The following TMEM232 variants were observed in gnomAD, a reference collection of about 807,000 sequenced individuals.
TMEM232 encodes transmembrane protein 232.
Under a neutral mutation model 78.8 loss-of-function variants are expected in TMEM232, and 80 were observed. That is an observed-to-expected ratio of 1.01 (90% confidence interval 0.85 to 1.22). The LOEUF is 1.22. Among genes scored for constraint, TMEM232 ranks in the 50% most tolerant of loss-of-function variants. The pLI, the probability that TMEM232 is intolerant of heterozygous loss-of-function variation, is 0.00. For synonymous variants in TMEM232, 297 were observed against 254.3 expected, an observed-to-expected ratio of 1.17 and a Z score of -1.60; for missense variants, 881 against 742.2, an observed-to-expected ratio of 1.19 and a Z score of -2.17.
chr5:110,692,456 G>C (rs1404813263), intron 1 of TMEM232, among the ~76,000 whole-genome samples: 2 of 152,194 alleles, frequency 1.3e-5, no homozygotes, highest in Non-Finnish European at 2.9e-5. Flanking sequence ...AGTGGGTGCA[G>C]GAGAGTGGGT....
At chr5:110,500,288 CAAAA>C (rs773716425) in intron 12 of TMEM232, among the ~76,000 whole-genome samples, 5 of 70,738 alleles carry the variant, frequency 7.1e-5, no homozygotes, top group Non-Finnish European at 1.5e-4. Context: ...GACTCTGTCT[CAAAA>C]AAAAAAAAAA....
chr5:110,492,044 G>T (rs1328456998), intron 12 of TMEM232, among the ~76,000 whole-genome samples: 1 of 151,222 alleles, frequency 6.6e-6, no homozygotes, highest in African/African-American at 2.4e-5. Flanking sequence ...CAGCAAACAT[G>T]CAAAAAAAAC....
At chr5:110,519,152 T>C (rs1006562599) in intron 12 of TMEM232, among the ~76,000 whole-genome samples, 1 of 152,112 alleles carries the variant, frequency 6.6e-6, no homozygotes, top group African/African-American at 2.4e-5. Flanking sequence ...AAAGAAAATA[T>C]AATTTTTAAA....
At chr5:110,710,772 A>G (rs1051990785) in intron 1 of TMEM232, among the ~76,000 whole-genome samples, 1 of 152,178 alleles carries the variant, frequency 6.6e-6, no homozygotes, top group Non-Finnish European at 1.5e-5. Flanking sequence ...TCAACATAAT[A>G]AAAGCCATAT....
In TMEM232 at chr5:110,435,712, T is replaced by A. The variant is rs144684298; in HGVS notation, c.1704-10796A>T. Among the ~76,000 whole-genome samples the A allele has an allele frequency of 1.8e-3, 281 of 152,076 alleles. 4 individuals are homozygous for A. In the East Asian group the frequency reaches 0.05, roughly 27 times the overall value. ...CAAATGAGTGAGAACATGTGATGTT[T>A]GTCTTTCTGTGCCTGGCTTATTTCA... On this transcript the variant is annotated intron_variant, in intron 12 of 13. Transcript: ENST00000455884.
intron 12 of TMEM232, among the ~76,000 whole-genome samples, chr5:110,510,102 C>T (rs73784786): frequency 0.041 from 6,183 of 152,188 alleles, 201 homozygotes; most frequent in African/African-American, 0.087. Context: ...TGTTACTGTG[C>T]TCCTTCCCAA....
chr5:110,505,360 A>C (rs542263498), intron 12 of TMEM232, among the ~76,000 whole-genome samples: 1 of 152,254 alleles, frequency 6.6e-6, no homozygotes, highest in Admixed American at 6.5e-5. Flanking sequence ...CCTAAGAACA[A>C]GTCCTTGTGG....
At chr5:110,695,043 T>G (rs376731870) in intron 1 of TMEM232, among the ~76,000 whole-genome samples, 1 of 152,098 alleles carries the variant, frequency 6.6e-6, no homozygotes, top group African/African-American at 2.4e-5. Flanking sequence ...ATTGAACACA[T>G]AGTTGGAAGT....
intron 13 of TMEM232, among the ~76,000 whole-genome samples, chr5:110,422,582 A>C (rs1580608023): frequency 6.6e-6 from 1 of 151,736 alleles, no homozygotes; most frequent in African/African-American, 2.4e-5. Context: ...AATTCTTAAG[A>C]ACTGCCAGCA....
intron 2 of TMEM232, among the ~76,000 whole-genome samples, chr5:110,651,719 A>C (rs749247386): frequency 1.1e-4 from 16 of 152,082 alleles, no homozygotes; most frequent in Non-Finnish European, 2.2e-4. Context: ...ACCAGCAGGA[A>C]TGTGTGGCAA....
intron 12 of TMEM232, among the ~76,000 whole-genome samples, chr5:110,461,886 C>CT (rs1352358308): frequency 1.3e-5 from 2 of 151,812 alleles, no homozygotes; most frequent in African/African-American, 4.8e-5. Flanking sequence ...ACTACTGTTC[C>CT]TAAAAAAAAA....
chr5:110,687,692 GTC>G (rs781757412), intron 1 of TMEM232, among the ~76,000 whole-genome samples: 1 of 151,508 alleles, frequency 6.6e-6, no homozygotes, highest in Non-Finnish European at 1.5e-5. Flanking sequence ...CTTTCTCTTT[GTC>G]TCTCTCTCTG....
chr5:110,557,333 TG>T (rs139956469), intron 11 of TMEM232, among the ~76,000 whole-genome samples: 13,606 of 152,240 alleles, frequency 0.089, 628 homozygotes, highest in Admixed American at 0.12. Flanking sequence ...TGAATCTTAT[TG>T]ATCTCCTTGG....
chr5:110,508,939 T>C (rs141745346), intron 12 of TMEM232, among the ~76,000 whole-genome samples: 4,158 of 140,530 alleles, frequency 0.03, 223 homozygotes, highest in African/African-American at 0.1. Context: ...ATTATATATA[T>C]ACACACACAC....
In TMEM232 at chr5:110,625,252, T is replaced by C. The variant is rs1784268579; in HGVS notation, c.768+15A>G. Reference sequence around the variant, plus strand: ...ATCAGGCAACAGGATATACCCACCATACCAGATTACTCACCATATCAGAAT... The same window carrying C: ...ATCAGGCAACAGGATATACCCACCACACCAGATTACTCACCATATCAGAAT... On this transcript the variant is annotated intron_variant, in intron 7 of 13. Transcript: ENST00000455884. 1.3e-6 allele frequency: 2 copies of C among 1,511,780 alleles called. No homozygotes were observed. The highest frequency in any genetic ancestry group is 8.9e-7 in the Non-Finnish European group (1 of 1,127,592). 93.6% of individuals were successfully genotyped at this position (1,511,780 alleles called of 1,614,324 possible).
intron 1 of TMEM232, among the ~76,000 whole-genome samples, chr5:110,736,479 T>C (rs1799180685): frequency 6.6e-6 from 1 of 152,212 alleles, no homozygotes; most frequent in Non-Finnish European, 1.5e-5. Context: ...TTCTATTGTG[T>C]ATCTTTAGTA....
At chr5:110,469,068 A>G (rs1358999770) in intron 12 of TMEM232, among the ~76,000 whole-genome samples, 1 of 152,134 alleles carries the variant, frequency 6.6e-6, no homozygotes, top group Non-Finnish European at 1.5e-5. Flanking sequence ...TTGGAACCTA[A>G]AGTTCTCACC....
intron 7 of TMEM232, among the ~76,000 whole-genome samples, chr5:110,622,142 C>T (rs4549574): frequency 0.019 from 2,930 of 152,190 alleles, 87 homozygotes; most frequent in African/African-American, 0.068. Context: ...TAGGATAATG[C>T]TCCTAATTTT....
intron 2 of TMEM232, among the ~76,000 whole-genome samples, chr5:110,648,799 CTTT>C (rs1350544890): frequency 6.6e-6 from 1 of 152,082 alleles, no homozygotes; most frequent in African/African-American, 2.4e-5. Context: ...CTTTGCAGGA[CTTT>C]TTAAGTCATT....
Sources: gnomAD v4.1 joint callset for allele counts (sites outside exome capture counted in the v4.1 genomes callset) on GRCh38, gnomAD v4.1.1 for gene constraint, MANE v1.5 for transcripts, NCBI Gene and HGNC (gene_info 2026-07-23, HGNC 2026-07-21) for gene names.